The following VAV2 variants were observed in gnomAD, a reference collection of about 807,000 sequenced individuals.
The protein encoded by VAV2 is vav guanine nucleotide exchange factor 2, also known as guanine nucleotide exchange factor VAV2.
In VAV2, 67 loss-of-function variants were observed where a neutral mutation model predicts 132.5. That is an observed-to-expected ratio of 0.51 (90% CI 0.42 to 0.62). The LOEUF is 0.62. Ranked by LOEUF, VAV2 falls within the 20% of genes least tolerant of loss-of-function variation. The probability of loss-of-function intolerance (pLI) is 0.00; values close to 1 mark genes in which losing one functional copy is unlikely to be tolerated. For synonymous variants in VAV2, 492 were observed against 443.5 expected (o/e 1.11, Z -1.37); for missense variants, 938 against 1,153.6 (o/e 0.81, Z 2.71).
chr9:133,905,433 CA>C (rs5901029), intron 2 of VAV2, among the ~76,000 whole-genome samples: 42,206 of 112,970 alleles, frequency 0.37, 7,114 homozygotes, highest in Admixed American at 0.47. Flanking sequence ...GAAACTGTCT[CA>C]AAAAAAAAAA....
chr9:133,771,813 G>A, intron 26 of VAV2, 146 bp downstream of exon 26: 1 of 756,850 alleles, frequency 1.3e-6, no homozygotes, highest in Non-Finnish European at 2.3e-6. Flanking sequence ...AGCTGTCCTA[G>A]TGCCTTAAAA....
At position 133,934,111 on chromosome 9, in the gene VAV2, G is replaced by A. The variant is rs920188135; in HGVS notation, c.321+4992C>T. 1.8e-4 allele frequency among the ~76,000 whole-genome samples: 28 copies of A among 151,662 alleles called. 1 individual carries two copies. The highest frequency in any genetic ancestry group is 6.8e-4 in the African/African-American group (28 of 41,290). ...ATGAATGGCTGGATGGATGGATGAT[G>A]GATAGATGGATGGATGGATGGATAA... is the stretch of plus-strand genomic sequence containing the variant. On this transcript the variant is annotated intron_variant, in intron 2 of 29. Coordinates refer to ENST00000371850, the MANE Select transcript of VAV2 (RefSeq NM_001134398.2).
chr9:133,764,668 AC>A (rs1303414367), intron 29 of VAV2, among the ~76,000 whole-genome samples: 3 of 152,258 alleles, frequency 2.0e-5, no homozygotes, highest in African/African-American at 7.2e-5. Context: ...AGAAGAGAAG[AC>A]AAACTGTAAG....
rs2486338 is a variant in VAV2, at chr9:133,824,934, G to C, written c.449+9338C>G. Among the ~76,000 whole-genome samples, 26,170 of 152,064 alleles carry C rather than the reference G, an allele frequency of 0.17. 2,601 individuals are homozygous for C. Among genetic ancestry groups the C allele is most frequent in the African/African-American group, 0.27 (11,029 of 41,482 alleles). ...GCAACTGGAAGCGTCTTGACAGAGGGACCCTCCGGGGACGCTGGCTTCATT... is the reference window on the plus strand; with the variant it reads ...GCAACTGGAAGCGTCTTGACAGAGGCACCCTCCGGGGACGCTGGCTTCATT... On this transcript the variant is annotated intron_variant, in intron 4 of 29. Transcript: ENST00000371850. This position sits in a 1 kb window ranked among gnomAD's most constrained non-coding sequence, Gnocchi z 5.2.
chr9:133,898,549 G>A (rs2519783), intron 2 of VAV2, among the ~76,000 whole-genome samples: 112,373 of 151,770 alleles, frequency 0.74, 43,741 homozygotes, highest in East Asian at 0.98. Flanking sequence ...AGCCGAGATC[G>A]TGCCACTGTA....
intron 24 of VAV2, 43 bp downstream of exon 24, chr9:133,775,985 G>C: frequency 6.4e-7 from 1 of 1,566,268 alleles, no homozygotes; most frequent in Non-Finnish European, 8.7e-7. Context: ...CCATAACAAA[G>C]AGGCCACCAG....
rs544438566 is a variant in VAV2, at chr9:133,935,973, G to A, written c.321+3130C>T. Among the ~76,000 whole-genome samples the A allele has an allele frequency of 1.3e-5, 2 of 152,360 alleles. No individual in the cohort carries two copies. The highest frequency in any genetic ancestry group is 2.1e-4 in the South Asian group (1 of 4,824). ...AGGAGGCAAAGGGCATGGCTCAGAT[G>A]CGGAGACCAGAAGCAGCAAGGCCCC... On this transcript the variant is annotated intron_variant, in intron 2 of 29. Transcript: ENST00000371850. This position sits in a 1 kb window ranked among gnomAD's most constrained non-coding sequence, Gnocchi z 5.2.
intron 1 of VAV2, among the ~76,000 whole-genome samples, chr9:133,980,350 C>A (rs1474850162): frequency 6.6e-6 from 1 of 152,224 alleles, no homozygotes; most frequent in East Asian, 1.9e-4. Context: ...GCAGAGCCGC[C>A]CCCACCTGGT....
chr9:133,864,418 C>T (rs1837719640), intron 2 of VAV2, among the ~76,000 whole-genome samples: 1 of 152,204 alleles, frequency 6.6e-6, no homozygotes, highest in Non-Finnish European at 1.5e-5. Context: ...CACTGAGGAA[C>T]GAGGTGGGGA....
chr9:133,983,123 G>T (rs1002174517), intron 1 of VAV2, among the ~76,000 whole-genome samples: 9 of 152,294 alleles, frequency 5.9e-5, no homozygotes, highest in African/African-American at 2.2e-4. Flanking sequence ...TAGGGGCTCG[G>T]GTCTGGGCAT....
intron 1 of VAV2, among the ~76,000 whole-genome samples, chr9:133,982,008 C>G (rs540511035): frequency 3.9e-5 from 6 of 152,334 alleles, no homozygotes; most frequent in African/African-American, 1.4e-4. Context: ...ACAAATGGAA[C>G]AGTAAATGCA....
chr9:133,780,814 G>A (rs1035930016), intron 19 of VAV2, 104 bp from the exon 20 acceptor site: 3 of 1,202,094 alleles, frequency 2.5e-6, no homozygotes, highest in African/African-American at 1.6e-5. Flanking sequence ...AGCTTAAGAT[G>A]GTAAGTGAGC....
In VAV2 at chr9:133,942,215, G is replaced by A. The variant is rs576135661; in HGVS notation, c.205-2996C>T. ...ACATGGAGACACAGACCCACGAGGAGTGCATGTGAGATGGGCCCCTTTCCT... is the reference window on the plus strand; with the variant it reads ...ACATGGAGACACAGACCCACGAGGAATGCATGTGAGATGGGCCCCTTTCCT... On this transcript the variant is annotated intron_variant, in intron 1 of 29. Coordinates refer to ENST00000371850, the MANE Select transcript of VAV2 (RefSeq NM_001134398.2). Among the ~76,000 whole-genome samples the A allele has an allele frequency of 7.5e-4, 115 of 152,362 alleles. 1 individual carries two copies. The highest frequency in any genetic ancestry group is 2.6e-3 in the African/African-American group (109 of 41,592).
At chr9:133,807,135 A>ACGAG in intron 8 of VAV2, 123 bp downstream of exon 8, 1 of 1,155,378 alleles carries the variant, frequency 8.7e-7, no homozygotes, top group Non-Finnish European at 1.2e-6. Flanking sequence ...TCCGGCCAGC[A>ACGAG]CGAGCCACCA....
chr9:133,767,900 G>A (rs1833488555), intron 29 of VAV2, among the ~76,000 whole-genome samples: 1 of 152,180 alleles, frequency 6.6e-6, no homozygotes, highest in South Asian at 2.1e-4. Context: ...GGGATGAAGA[G>A]GCCACAGACA....
chr9:133,827,258 T>TCGCCGG (rs1454344815), intron 4 of VAV2, among the ~76,000 whole-genome samples: 1 of 18,058 alleles, frequency 5.5e-5, no homozygotes, highest in Non-Finnish European at 9.5e-5. Flanking sequence ...AGCGGGGGCA[T>TCGCCGG]CACCACCTAC....
Position 133,769,285 on chromosome 9 carries a change from A to T in VAV2, c.2434+132T>A. ...CCTCCCCAGCCCCTTTCTCCCCTCCACCCAGTGCCAGACTGCGGACAACTG... is the reference window on the plus strand; with the variant it reads ...CCTCCCCAGCCCCTTTCTCCCCTCCTCCCAGTGCCAGACTGCGGACAACTG... On this transcript the variant is annotated intron_variant, in intron 28 of 29. Coordinates refer to ENST00000371850, the MANE Select transcript of VAV2 (RefSeq NM_001134398.2). This position sits in a 1 kb window ranked among gnomAD's most constrained non-coding sequence, Gnocchi z 8.1. 2.0e-6 allele frequency: 2 copies of T among 983,122 alleles called. No homozygotes were observed. Among genetic ancestry groups the T allele is most frequent in the Non-Finnish European group, 1.5e-6 (1 of 675,518 alleles). The allele number at this position is 983,122 out of a possible 1,614,324, so 60.9% of individuals were successfully genotyped here.
chr9:133,818,504 C>T (rs1358629036), intron 4 of VAV2, among the ~76,000 whole-genome samples: 2 of 152,204 alleles, frequency 1.3e-5, no homozygotes, highest in Non-Finnish European at 2.9e-5. Context: ...CCTGCCCATC[C>T]CACACCAGGA....
chr9:133,809,046 A>G lies in VAV2; in HGVS notation c.660T>C (p.Ile220=). The G allele has an allele frequency of 6.2e-7, 1 of 1,613,526 alleles. No individual in the cohort carries two copies. The highest frequency in any genetic ancestry group is 8.5e-7 in the Non-Finnish European group (1 of 1,179,620). ...EAKYYRTLED[I]EKNYMSPLRL... ...GGCCGCCATCTGCCCTCACCTTCTC[A>G]ATGTCCTCCAGGGTGCGGTAGTACT... The change falls in exon 7 of 30, where the codon ATT becomes ATC. Residue 220 remains isoleucine, a synonymous_variant. Transcript: ENST00000371850.
Sources: gnomAD v4.1 joint callset for allele counts (sites outside exome capture counted in the v4.1 genomes callset) on GRCh38, gnomAD v4.1.1 for gene constraint, Gnocchi (gnomAD v3.1) non-coding constraint, MANE v1.5 for transcripts, NCBI Gene and HGNC (gene_info 2026-07-23, HGNC 2026-07-21) for gene names.